Variants in COL24A1 observed in about 807,000 individuals in gnomAD.
COL24A1 encodes collagen type XXIV alpha 1 chain.
A neutral mutation model predicts 253.9 loss-of-function variants in COL24A1; 224 were observed. That is an observed-to-expected ratio of 0.88 (90% confidence interval 0.79 to 0.99). The LOEUF is 0.99. Ranked by LOEUF, COL24A1 falls within the 50% of genes least tolerant of loss-of-function variation. The pLI, the probability that COL24A1 is intolerant of heterozygous loss-of-function variation, is 0.00. For missense variants in COL24A1, 2,131 were observed against 2,068.5 expected (o/e 1.03, Z -0.59); for synonymous variants, 685 against 673.7 (o/e 1.02, Z -0.26).
At chr1:85,977,817 C>T (rs924879359) in intron 20 of COL24A1, among the ~76,000 whole-genome samples, 6 of 152,058 alleles carry the variant, frequency 3.9e-5, no homozygotes, top group African/African-American at 9.7e-5. Context: ...AGGAAATAAT[C>T]GAAGAAAACC....
intron 43 of COL24A1, among the ~76,000 whole-genome samples, chr1:85,831,498 A>G (rs1427440718): frequency 6.6e-6 from 1 of 152,052 alleles, no homozygotes; most frequent in Non-Finnish European, 1.5e-5. Flanking sequence ...TGTTACAATT[A>G]CTTTGGTTTA....
intron 53 of COL24A1, among the ~76,000 whole-genome samples, chr1:85,771,949 G>A (rs796839471): frequency 6.9e-5 from 5 of 72,502 alleles, no homozygotes; most frequent in Non-Finnish European, 1.2e-4. Flanking sequence ...TCCCTCCCCC[G>A]TACCCCCACC....
At position 86,137,720 on chromosome 1, in the gene COL24A1, C is replaced by G. The variant is rs143994631; in HGVS notation, c.121+8399G>C. On this transcript the variant is annotated intron_variant, in intron 2 of 59. Transcript: ENST00000370571. ...TGCAACAACCACATATGCTGACTCA[C>G]AAACCTCTCTTCTGGGCTTGCATAT... Among the ~76,000 whole-genome samples the G allele has an allele frequency of 1.1e-3, 162 of 152,286 alleles. 1 individual carries two copies. Among genetic ancestry groups the G allele is most frequent in the African/African-American group, 3.7e-3 (155 of 41,560 alleles).
intron 2 of COL24A1, among the ~76,000 whole-genome samples, chr1:86,133,519 G>A (rs998553036): frequency 1.3e-5 from 2 of 152,128 alleles, no homozygotes; most frequent in Non-Finnish European, 1.5e-5. Context: ...TTTGAGAAAC[G>A]TCCCATCAAT....
chr1:85,796,926 C>A (rs1445613325), intron 47 of COL24A1, among the ~76,000 whole-genome samples: 1 of 151,924 alleles, frequency 6.6e-6, no homozygotes, highest in African/African-American at 2.4e-5. Flanking sequence ...CCTGGCCGGG[C>A]ACGGTGGCTC....
At chr1:85,963,697 G>C (rs1691289540) in intron 23 of COL24A1, among the ~76,000 whole-genome samples, 1 of 152,122 alleles carries the variant, frequency 6.6e-6, no homozygotes, top group Admixed American at 6.6e-5. Context: ...AGCTAGGGAG[G>C]AATGAACATT....
chr1:86,138,968 TTTGTTTG>T (rs144423240), intron 2 of COL24A1, among the ~76,000 whole-genome samples: 80,947 of 151,108 alleles, frequency 0.54, 22,163 homozygotes, highest in Non-Finnish European at 0.62. Context: ...CAGCGCAATT[TTTGTTTG>T]TTGTTGTTTC....
chr1:85,798,821 T>C (rs1671098735), intron 47 of COL24A1, among the ~76,000 whole-genome samples: 1 of 152,212 alleles, frequency 6.6e-6, no homozygotes, highest in African/African-American at 2.4e-5. Flanking sequence ...TTGTCCTTAG[T>C]CAAGTCGTTA....
At chr1:85,976,863 C>T (rs950600931) in intron 20 of COL24A1, among the ~76,000 whole-genome samples, 16 of 152,230 alleles carry the variant, frequency 1.1e-4, no homozygotes, top group African/African-American at 3.9e-4. Flanking sequence ...GACTGCAACA[C>T]CCTGGCTAAC....
intron 7 of COL24A1, among the ~76,000 whole-genome samples, chr1:86,079,035 C>A (rs1702446399): frequency 6.6e-6 from 1 of 152,142 alleles, no homozygotes; most frequent in South Asian, 2.1e-4. Context: ...AGAGGAATCA[C>A]ATTACCTGAT....
chr1:85,894,960 G>T lies in COL24A1; in HGVS notation c.2922+898C>A, dbSNP rs191247949. Among the ~76,000 whole-genome samples, 41 of 152,022 alleles carry T rather than the reference G, an allele frequency of 2.7e-4. 2 individuals carry two copies. In the East Asian group the frequency reaches 7.5e-3, roughly 28 times the overall value. ...AAACATTTTTATTCTATCCTTTTCTGTCTCCCGAGCTGCAATCTATTTATA... is the reference window on the plus strand; with the variant it reads ...AAACATTTTTATTCTATCCTTTTCTTTCTCCCGAGCTGCAATCTATTTATA... On this transcript the variant is annotated intron_variant, in intron 31 of 59. Coordinates refer to ENST00000370571, the MANE Select transcript of COL24A1 (RefSeq NM_152890.7).
At chr1:85,867,427 T>C (rs1679912899) in intron 37 of COL24A1, among the ~76,000 whole-genome samples, 1 of 152,228 alleles carries the variant, frequency 6.6e-6, no homozygotes, top group Non-Finnish European at 1.5e-5. Context: ...ATGTTTTCTC[T>C]TGGGGAAGAG....
At chr1:86,003,154 A>G (rs1695601249) in intron 19 of COL24A1, among the ~76,000 whole-genome samples, 1 of 152,202 alleles carries the variant, frequency 6.6e-6, no homozygotes, top group Admixed American at 6.6e-5. Flanking sequence ...TGTCATCTGA[A>G]GCAGAAAATA....
At chr1:85,933,427 G>C (rs1192730792) in intron 24 of COL24A1, among the ~76,000 whole-genome samples, 1 of 152,100 alleles carries the variant, frequency 6.6e-6, no homozygotes, top group African/African-American at 2.4e-5. Flanking sequence ...CCAACACACT[G>C]TAACAGGAGA....
intron 2 of COL24A1, among the ~76,000 whole-genome samples, chr1:86,145,917 G>A (rs1379012903): frequency 6.6e-6 from 1 of 151,796 alleles, no homozygotes; most frequent in African/African-American, 2.4e-5. Context: ...TTTCACAGAC[G>A]GAAGATATGA....
intron 11 of COL24A1, among the ~76,000 whole-genome samples, chr1:86,048,694 G>C (rs892559155): frequency 6.6e-6 from 1 of 152,078 alleles, no homozygotes; most frequent in African/African-American, 2.4e-5. Context: ...GTTTCACCGT[G>C]TTAGCCAGGA....
intron 41 of COL24A1, 40 bp from the exon 42 acceptor site, chr1:85,841,318 T>C (rs760923038): frequency 2.2e-6 from 3 of 1,370,290 alleles, no homozygotes; most frequent in South Asian, 1.3e-5. Context: ...ACTCAATAAA[T>C]AAAATAAACA....
intron 37 of COL24A1, among the ~76,000 whole-genome samples, chr1:85,862,251 C>T (rs1305346500): frequency 6.6e-6 from 1 of 152,068 alleles, no homozygotes; most frequent in Non-Finnish European, 1.5e-5. Context: ...CACTGTATCC[C>T]TAATGTTTAG....
chr1:86,122,399 A>T (rs966034188), intron 3 of COL24A1, among the ~76,000 whole-genome samples: 6 of 152,122 alleles, frequency 3.9e-5, no homozygotes, highest in Admixed American at 2.6e-4. Flanking sequence ...CCTATGCCAC[A>T]TTCCTCTCTT....
Sources: gnomAD v4.1 joint callset for allele counts (sites outside exome capture counted in the v4.1 genomes callset) on GRCh38, gnomAD v4.1.1 for gene constraint, MANE v1.5 for transcripts, NCBI Gene and HGNC (gene_info 2026-07-23, HGNC 2026-07-21) for gene names.